The following ZNF385D variants were observed in gnomAD, a reference collection of about 807,000 sequenced individuals.
ZNF385D encodes zinc finger protein 659.
In ZNF385D, 15 loss-of-function variants were observed where a neutral mutation model predicts 35.8. The ratio of observed to expected loss-of-function variants is 0.42; its 90% CI spans 0.28 to 0.64. ZNF385D has a LOEUF of 0.64. ZNF385D is among the 30% of genes least tolerant of loss of function. The probability of loss-of-function intolerance (pLI) is 0.23; values close to 1 mark genes in which losing one functional copy is unlikely to be tolerated. For missense variants in ZNF385D, 474 were observed against 494.6 expected, an observed-to-expected ratio of 0.96 and a Z score of 0.39; for synonymous variants, 212 against 186.8, an observed-to-expected ratio of 1.13 and a Z score of -1.10.
intron 4 of ZNF385D, among the ~76,000 whole-genome samples, chr3:21,495,109 A>ATATCT (rs1705728462): frequency 6.6e-6 from 1 of 152,156 alleles, no homozygotes; most frequent in Non-Finnish European, 1.5e-5. Context: ...ATATATTACA[A>ATATCT]CAATATTTGT....
chr3:21,989,174 C>T (rs977551305), intron 3 of ZNF385D, among the ~76,000 whole-genome samples: 2 of 152,186 alleles, frequency 1.3e-5, no homozygotes, highest in South Asian at 4.1e-4. Context: ...ATCTTGGCTC[C>T]TCCGACCCCA....
At chr3:22,151,562 C>T (rs1035071482) in intron 3 of ZNF385D, among the ~76,000 whole-genome samples, 6 of 152,094 alleles carry the variant, frequency 3.9e-5, no homozygotes, top group African/African-American at 1.4e-4. Context: ...ACAAGGTCTG[C>T]GTGTGACTAA....
chr3:21,852,220 C>G (rs759403141), intron 3 of ZNF385D, among the ~76,000 whole-genome samples: 2 of 151,894 alleles, frequency 1.3e-5, no homozygotes, highest in African/African-American at 2.4e-5. Context: ...CCTAAAGCTA[C>G]AGGATACACT....
intron 4 of ZNF385D, among the ~76,000 whole-genome samples, chr3:21,496,278 T>C (rs943673194): frequency 6.8e-6 from 1 of 146,938 alleles, no homozygotes; most frequent in Admixed American, 6.8e-5. Flanking sequence ...TATATATATT[T>C]ATTTACATAT....
chr3:22,041,041 A>G (rs77305546), intron 3 of ZNF385D, among the ~76,000 whole-genome samples: 5,829 of 152,206 alleles, frequency 0.038, 145 homozygotes, highest in Middle Eastern at 0.065. Context: ...AAAGGACAAC[A>G]TTAAAGGTAA....
In ZNF385D at chr3:21,772,121, G is replaced by T. The variant is rs538007754; in HGVS notation, c.326-107093C>A. Reference sequence around the variant, plus strand: ...TAAATATAAGAACGAGAAATATAACGCTTCTAGAAGAAAACATAGGACAAA... The same window carrying T: ...TAAATATAAGAACGAGAAATATAACTCTTCTAGAAGAAAACATAGGACAAA... On this transcript the variant is annotated intron_variant, in intron 3 of 5. Transcript: ENST00000494108. Among the ~76,000 whole-genome samples the T allele has an allele frequency of 2.0e-5, 3 of 151,926 alleles. No individual in the cohort carries two copies. The East Asian group carries it at 5.8e-4, about 29-fold the overall frequency.
intron 3 of ZNF385D, among the ~76,000 whole-genome samples, chr3:21,772,423 T>C (rs550430287): frequency 6.6e-6 from 1 of 151,756 alleles, no homozygotes; most frequent in African/African-American, 2.4e-5. Context: ...GACAAAGAAC[T>C]TGAATAAATA....
chr3:21,748,896 T>C (rs2069915243), intron 1 of ZNF385D, among the ~76,000 whole-genome samples: 1 of 152,200 alleles, frequency 6.6e-6, no homozygotes, highest in African/African-American at 2.4e-5. Context: ...TACTGCTCAA[T>C]TCTTTTTGCC....
intron 1 of ZNF385D, among the ~76,000 whole-genome samples, chr3:21,694,015 A>ACTACAGG (rs2067377421): frequency 7.7e-6 from 1 of 129,746 alleles, no homozygotes; most frequent in African/African-American, 3.0e-5. Context: ...CGTAGCTGGG[A>ACTACAGG]CTACAGGCGC....
chr3:21,673,612 C>G (rs1201048343), intron 1 of ZNF385D, among the ~76,000 whole-genome samples: 1 of 152,086 alleles, frequency 6.6e-6, no homozygotes, highest in Non-Finnish European at 1.5e-5. Flanking sequence ...TCGTCCATTT[C>G]TAGAGATGAC....
chr3:21,860,185 A>G (rs2125828393), intron 3 of ZNF385D, among the ~76,000 whole-genome samples: 1 of 151,888 alleles, frequency 6.6e-6, no homozygotes, highest in Non-Finnish European at 1.5e-5. Context: ...TTTTTGACCA[A>G]GGTTGAGCAC....
chr3:21,942,030 A>C (rs1701546721), intron 3 of ZNF385D, among the ~76,000 whole-genome samples: 1 of 152,186 alleles, frequency 6.6e-6, no homozygotes, highest in Non-Finnish European at 1.5e-5. Flanking sequence ...TTTATAAAGA[A>C]AATATATACA....
chr3:21,833,172 A>G (rs1695109098), intron 3 of ZNF385D, among the ~76,000 whole-genome samples: 1 of 152,176 alleles, frequency 6.6e-6, no homozygotes, highest in Non-Finnish European at 1.5e-5. Flanking sequence ...AAAGGCAAGA[A>G]TCCTGTATTA....
intron 2 of ZNF385D, among the ~76,000 whole-genome samples, chr3:22,252,143 A>G (rs1700093297): frequency 6.6e-6 from 1 of 151,936 alleles, no homozygotes; most frequent in Non-Finnish European, 1.5e-5. Flanking sequence ...GGATGTAAAC[A>G]TTAGACTGTG....
chr3:21,680,489 C>T (rs1266179072), intron 1 of ZNF385D, among the ~76,000 whole-genome samples: 1 of 152,018 alleles, frequency 6.6e-6, no homozygotes, highest in Non-Finnish European at 1.5e-5. Flanking sequence ...ATTGGTAGAC[C>T]ACAATTTGTT....
At chr3:22,305,818 T>G (rs1466920343) in intron 2 of ZNF385D, among the ~76,000 whole-genome samples, 1 of 152,180 alleles carries the variant, frequency 6.6e-6, no homozygotes, top group East Asian at 1.9e-4. Context: ...GGCAGTTATA[T>G]TCTCTTAAAT....
intron 2 of ZNF385D, among the ~76,000 whole-genome samples, chr3:22,211,659 CAGAG>C (rs1057087707): frequency 5.3e-5 from 8 of 151,870 alleles, no homozygotes; most frequent in African/African-American, 1.4e-4. Flanking sequence ...CAGAAAGAAA[CAGAG>C]AGAAAGACCA....
Position 22,261,454 on chromosome 3 carries a change from G to A in ZNF385D, c.107-92419C>T, listed in dbSNP as rs1234104797. On this transcript the variant is annotated intron_variant, in intron 2 of 5. Coordinates refer to the ZNF385D transcript ENST00000494108. ...CTAATTTCACAGGAATAAAAGTCTAGGCTGTCTGAGCAAAGATGTTCTAGG... is the reference window on the plus strand; with the variant it reads ...CTAATTTCACAGGAATAAAAGTCTAAGCTGTCTGAGCAAAGATGTTCTAGG... Among the ~76,000 whole-genome samples, 3 of 151,904 alleles carry A rather than the reference G, an allele frequency of 2.0e-5. No individual in the cohort carries two copies. The East Asian group carries it at 5.8e-4, about 30-fold the overall frequency.
intron 2 of ZNF385D, among the ~76,000 whole-genome samples, chr3:21,633,189 C>A (rs893189759): frequency 6.6e-6 from 1 of 151,990 alleles, no homozygotes; most frequent in African/African-American, 2.4e-5. Flanking sequence ...TTGTATAATA[C>A]AACAGTACAA....
Sources: gnomAD v4.1 joint callset for allele counts (sites outside exome capture counted in the v4.1 genomes callset) on GRCh38, gnomAD v4.1.1 for gene constraint, MANE v1.5 for transcripts, NCBI Gene and HGNC (gene_info 2026-07-23, HGNC 2026-07-21) for gene names.